Variants in NRM observed in about 807,000 individuals in gnomAD.
NRM encodes the protein nuclear rim protein.
A neutral mutation model predicts 23.4 loss-of-function variants in NRM; 19 were observed. That is an observed-to-expected ratio of 0.81 (90% CI 0.57 to 1.19). The LOEUF is 1.19. Ranked by LOEUF, NRM falls within the 50% of genes most tolerant of loss-of-function variation. NRM has a pLI of 0.00. For synonymous variants in NRM, 140 were observed against 143.5 expected (o/e 0.98, Z 0.17); for missense variants, 232 against 329.7 (o/e 0.70, Z 2.30).
chr6:30,690,319 T>G lies in NRM; in HGVS notation c.134-76A>C. The G allele has an allele frequency of 7.5e-7, 1 of 1,331,634 alleles. No homozygotes were observed. The highest frequency in any genetic ancestry group is 2.6e-5 in the Admixed American group (1 of 37,834). 82.5% of individuals were successfully genotyped at this position (1,331,634 alleles called of 1,614,324 possible). On this transcript the variant is annotated intron_variant, in intron 1 of 3. Transcript: ENST00000376421. This position sits in a 1 kb window ranked among gnomAD's most constrained non-coding sequence, Gnocchi z 5.5. ...TGTTTCCCCCACCCTCATCTCCTCT[T>G]GGATCCCCAGGCCATGTCCCTTACT...
chr6:30,691,211 G>T, upstream of NRM: 1 of 517,934 alleles, frequency 1.9e-6, no homozygotes, highest in South Asian at 2.4e-5. Context: ...AATCCCGAGA[G>T]AGAGCTGTTA....
At position 30,690,421 on chromosome 6, in the gene NRM, C is replaced by G; in HGVS notation, c.134-178G>C. The G allele has an allele frequency of 8.9e-7, 1 of 1,118,028 alleles. No homozygotes were observed. Among genetic ancestry groups the G allele is most frequent in the South Asian group, 1.6e-5 (1 of 61,850 alleles). The allele number at this position is 1,118,028 out of a possible 1,614,324, so 69.3% of individuals were successfully genotyped here. A position where few individuals can be genotyped will look rare whatever the true frequency, so the allele number is the denominator to read the frequency against. On this transcript the variant is annotated intron_variant, in intron 1 of 3. Coordinates refer to ENST00000376421, the MANE Select transcript of NRM (RefSeq NM_001384369.1). The surrounding 1 kb of genome is among the most constrained non-coding windows in gnomAD (Gnocchi z 5.5). ...CCATCCCTAGTTTCTGCCCTCTTCC[C>G]TAGGCCTCCTGCAAACCTGGGGAAG...
In NRM at chr6:30,688,657, C is replaced by A. The variant is rs371691195; in HGVS notation, c.*4G>T. ...GAACAGGGCTTGTAACCAGAGTGAG[C>A]TCCTCACTCTGCCTCCCCATCCTGG... On this transcript the variant is annotated 3_prime_UTR_variant, in exon 4 of 4. Transcript: ENST00000376421. This position sits in a 1 kb window ranked among gnomAD's most constrained non-coding sequence, Gnocchi z 5.9. 1.9e-6 allele frequency: 3 copies of A among 1,612,492 alleles called. No homozygotes were observed. The African/African-American group carries it at 4.0e-5, about 22-fold the overall frequency.
chr6:30,689,744 C>T lies in NRM; in HGVS notation c.331-292G>A, dbSNP rs918562286. ...CCAGTGAAAAGACAGACAAGGCCTTCTCTTCAGACCTAGGGAAGTGGTTTT... is the reference window on the plus strand; with the variant it reads ...CCAGTGAAAAGACAGACAAGGCCTTTTCTTCAGACCTAGGGAAGTGGTTTT... On this transcript the variant is annotated intron_variant, in intron 2 of 3. Transcript: ENST00000376421. The surrounding 1 kb of genome is among the most constrained non-coding windows in gnomAD (Gnocchi z 4.7). 2.6e-5 allele frequency among the ~76,000 whole-genome samples: 4 copies of T among 152,138 alleles called. No individual in the cohort carries two copies. The highest frequency in any genetic ancestry group is 1.3e-4 in the Admixed American group (2 of 15,280).
At position 30,690,774 on chromosome 6, in the gene NRM, C is replaced by T. The variant is rs1284525753; in HGVS notation, c.133+68G>A. The T allele has an allele frequency of 6.2e-7, 1 of 1,612,080 alleles. No individual in the cohort carries two copies. The highest frequency in any genetic ancestry group is 8.5e-7 in the Non-Finnish European group (1 of 1,179,484). On this transcript the variant is annotated intron_variant, in intron 1 of 3. Coordinates refer to ENST00000376421, the MANE Select transcript of NRM (RefSeq NM_001384369.1). The surrounding 1 kb of genome is among the most constrained non-coding windows in gnomAD (Gnocchi z 5.5). ...TCCCCTGTCATTTGTTTCCAAGCCCCGCCCTCAATCCCTCTCCTACGGCTC... is the reference window on the plus strand; with the variant it reads ...TCCCCTGTCATTTGTTTCCAAGCCCTGCCCTCAATCCCTCTCCTACGGCTC...
In NRM at chr6:30,690,838, T is replaced by C; in HGVS notation, c.133+4A>G. ...CCAGTTCATCCTCGATCCCTCCCGC[T>C]CACCCGGACCACCAGACTCCGGGAT... On this transcript the variant is annotated splice_donor_region_variant and intron_variant, in intron 1 of 3. Coordinates refer to ENST00000376421, the MANE Select transcript of NRM (RefSeq NM_001384369.1). This position sits in a 1 kb window ranked among gnomAD's most constrained non-coding sequence, Gnocchi z 5.5. The C allele has an allele frequency of 6.2e-7, 1 of 1,612,888 alleles. No individual in the cohort carries two copies. The highest frequency in any genetic ancestry group is 8.5e-7 in the Non-Finnish European group (1 of 1,179,996).
chr6:30,690,037 G>T lies in NRM; in HGVS notation c.330+10C>A, dbSNP rs770861833. The T allele has an allele frequency of 1.3e-6, 2 of 1,596,704 alleles. No homozygotes were observed. The highest frequency in any genetic ancestry group is 2.7e-5 in the African/African-American group (2 of 73,738). Reference sequence around the variant, plus strand: ...CAGGATTTCATACCTGCAAGGCCAGGGCCTCATACCTGCAAGGCCAGGGCA... The same window carrying T: ...CAGGATTTCATACCTGCAAGGCCAGTGCCTCATACCTGCAAGGCCAGGGCA... On this transcript the variant is annotated intron_variant, in intron 2 of 3. Transcript: ENST00000376421. This position sits in a 1 kb window ranked among gnomAD's most constrained non-coding sequence, Gnocchi z 5.5.
At position 30,688,490 on chromosome 6, in the gene NRM, G is replaced by T. The variant is rs1229008046; in HGVS notation, c.*171C>A. ...CTTGGAGTTCAGTGGCTGAAACTCAGAATTTAGGGTATGGAGCTGGACCCA... is the reference window on the plus strand; with the variant it reads ...CTTGGAGTTCAGTGGCTGAAACTCATAATTTAGGGTATGGAGCTGGACCCA... On this transcript the variant is annotated 3_prime_UTR_variant, in exon 4 of 4. Coordinates refer to ENST00000376421, the MANE Select transcript of NRM (RefSeq NM_001384369.1). The surrounding 1 kb of genome is among the most constrained non-coding windows in gnomAD (Gnocchi z 5.9). The T allele has an allele frequency of 2.6e-6, 2 of 755,276 alleles. No individual in the cohort carries two copies. Among genetic ancestry groups the T allele is most frequent in the African/African-American group, 3.5e-5 (2 of 56,772 alleles). The allele number at this position is 755,276 out of a possible 1,614,324, so 46.8% of individuals were successfully genotyped here.
Position 30,690,592 on chromosome 6 carries a change from C to T in NRM, c.133+250G>A. ...ACAGTCCTCTCTACAAAACACTTTACTTAGAATACTCCGGTCACCGCCCTT... is the reference window on the plus strand; with the variant it reads ...ACAGTCCTCTCTACAAAACACTTTATTTAGAATACTCCGGTCACCGCCCTT... On this transcript the variant is annotated intron_variant, in intron 1 of 3. Coordinates refer to ENST00000376421, the MANE Select transcript of NRM (RefSeq NM_001384369.1). The surrounding 1 kb of genome is among the most constrained non-coding windows in gnomAD (Gnocchi z 5.5). The T allele has an allele frequency of 6.5e-7, 1 of 1,544,600 alleles. No individual in the cohort carries two copies. The highest frequency in any genetic ancestry group is 8.7e-7 in the Non-Finnish European group (1 of 1,143,316).
Position 30,690,829 on chromosome 6 carries a change from C to A in NRM, c.133+13G>T, listed in dbSNP as rs1157756777. ...TTCCTCCTCCCAGTTCATCCTCGATCCCTCCCGCTCACCCGGACCACCAGA... is the reference window on the plus strand; with the variant it reads ...TTCCTCCTCCCAGTTCATCCTCGATACCTCCCGCTCACCCGGACCACCAGA... On this transcript the variant is annotated intron_variant, in intron 1 of 3. Coordinates refer to ENST00000376421, the MANE Select transcript of NRM (RefSeq NM_001384369.1). The surrounding 1 kb of genome is among the most constrained non-coding windows in gnomAD (Gnocchi z 5.5). The A allele has an allele frequency of 1.2e-6, 2 of 1,613,056 alleles. No homozygotes were observed. Among genetic ancestry groups the A allele is most frequent in the East Asian group, 4.5e-5 (2 of 44,888 alleles).
Position 30,688,580 on chromosome 6 carries a change from T to G in NRM, c.*81A>C. On this transcript the variant is annotated 3_prime_UTR_variant, in exon 4 of 4. Coordinates refer to ENST00000376421, the MANE Select transcript of NRM (RefSeq NM_001384369.1). This position sits in a 1 kb window ranked among gnomAD's most constrained non-coding sequence, Gnocchi z 5.9. ...AGTCCATGGATTTGGGCCTCTGGCA[T>G]GAAGCAGCCAGGGCCTGGATGTTAA... 3 of 1,505,300 alleles carry G rather than the reference T, an allele frequency of 2.0e-6. No individual in the cohort carries two copies. Among genetic ancestry groups the G allele is most frequent in the Non-Finnish European group, 2.7e-6 (3 of 1,107,368 alleles). The allele number at this position is 1,505,300 out of a possible 1,614,324, so 93.2% of individuals were successfully genotyped here. A position where few individuals can be genotyped will look rare whatever the true frequency, so the allele number is the denominator to read the frequency against.
chr6:30,688,657 C>G lies in NRM; in HGVS notation c.*4G>C. 1 of 1,612,612 alleles carries G rather than the reference C, an allele frequency of 6.2e-7. No individual in the cohort carries two copies. Among genetic ancestry groups the G allele is most frequent in the Admixed American group, 1.7e-5 (1 of 59,948 alleles). ...GAACAGGGCTTGTAACCAGAGTGAG[C>G]TCCTCACTCTGCCTCCCCATCCTGG... On this transcript the variant is annotated 3_prime_UTR_variant, in exon 4 of 4. Transcript: ENST00000376421. The surrounding 1 kb of genome is among the most constrained non-coding windows in gnomAD (Gnocchi z 5.9).
rs1157408543 is a variant in NRM at position 30,688,513 on chromosome 6, C to T, written c.*148G>A. 2 of 898,284 alleles carry T rather than the reference C, an allele frequency of 2.2e-6. No homozygotes were observed. Among genetic ancestry groups the T allele is most frequent in the Admixed American group, 5.3e-5 (2 of 38,006 alleles). 55.6% of individuals were successfully genotyped at this position (898,284 alleles called of 1,614,324 possible). ...CAGAATTTAGGGTATGGAGCTGGACCCAGAGAATAAAGTCTCAAGTAGTAG... is the reference window on the plus strand; with the variant it reads ...CAGAATTTAGGGTATGGAGCTGGACTCAGAGAATAAAGTCTCAAGTAGTAG... On this transcript the variant is annotated 3_prime_UTR_variant, in exon 4 of 4. Transcript: ENST00000376421. The surrounding 1 kb of genome is among the most constrained non-coding windows in gnomAD (Gnocchi z 5.9).
In NRM at chr6:30,689,348, A is replaced by C. The variant is rs1305425575; in HGVS notation, c.435T>G (p.His145Gln). The change falls in exon 3 of 4, where the codon CAT becomes CAG. Residue 145 changes from histidine (H) to glutamine (Q), a missense_variant. Coordinates refer to ENST00000376421, the MANE Select transcript of NRM (RefSeq NM_001384369.1). The surrounding 1 kb of genome is among the most constrained non-coding windows in gnomAD (Gnocchi z 4.7). ...TAAAGATGAGGAGCCAGGAGATGACATGGAGCACAAAGCAGAGGAGCGGCA... is the reference window on the plus strand; with the variant it reads ...TAAAGATGAGGAGCCAGGAGATGACCTGGAGCACAAAGCAGAGGAGCGGCA... Reference protein sequence around the residue: ...TWVPLLCFVLHVISWLLIFSI... With the variant: ...TWVPLLCFVLQVISWLLIFSI... The C allele has an allele frequency of 6.4e-7, 1 of 1,557,594 alleles. No individual in the cohort carries two copies. Among genetic ancestry groups the C allele is most frequent in the East Asian group, 2.4e-5 (1 of 41,500 alleles).
rs1037601474 is a variant in NRM, at chr6:30,689,164, G to A, written c.507+112C>T. ...AGGGAAAGTCAAAGGGAAGGGCCACGAGGGAGAAGCAGGGAGACAGTAGAA... is the reference window on the plus strand; with the variant it reads ...AGGGAAAGTCAAAGGGAAGGGCCACAAGGGAGAAGCAGGGAGACAGTAGAA... On this transcript the variant is annotated intron_variant, in intron 3 of 3. Transcript: ENST00000376421. The surrounding 1 kb of genome is among the most constrained non-coding windows in gnomAD (Gnocchi z 4.7). 5.8e-6 allele frequency: 7 copies of A among 1,207,154 alleles called. No individual in the cohort carries two copies. The highest frequency in any genetic ancestry group is 2.7e-5 in the Admixed American group (1 of 37,566). 74.8% of individuals were successfully genotyped at this position (1,207,154 alleles called of 1,614,324 possible). A position where few individuals can be genotyped will look rare whatever the true frequency, so the allele number is the denominator to read the frequency against.
At position 30,689,262 on chromosome 6, in the gene NRM, TCTCGGAGC is replaced by T; in HGVS notation, c.507+6_507+13del. ...ATGGGTCAGAGGTCATAGGTAGGGA[TCTCGGAGC>T]CTCACCTGTTTGAGGCCCATGAGCT... On this transcript the variant is annotated splice_donor_region_variant and intron_variant, in intron 3 of 3. Coordinates refer to ENST00000376421, the MANE Select transcript of NRM (RefSeq NM_001384369.1). This position sits in a 1 kb window ranked among gnomAD's most constrained non-coding sequence, Gnocchi z 4.7. The T allele has an allele frequency of 6.4e-7, 1 of 1,550,622 alleles. No homozygotes were observed. The highest frequency in any genetic ancestry group is 8.7e-7 in the Non-Finnish European group (1 of 1,146,402).
upstream of NRM, chr6:30,691,128 C>G (rs118046523): frequency 2.5e-6 from 2 of 815,344 alleles, no homozygotes; most frequent in East Asian, 2.7e-5. Context: ...GCAGCCTTCC[C>G]CATCCAGCTG....
Position 30,689,972 on chromosome 6 carries a change from C to T in NRM, c.330+75G>A, listed in dbSNP as rs1771422308. The T allele has an allele frequency of 1.3e-6, 2 of 1,494,092 alleles. No homozygotes were observed. The highest frequency in any genetic ancestry group is 1.8e-6 in the Non-Finnish European group (2 of 1,111,188). The allele number at this position is 1,494,092 out of a possible 1,614,324, so 92.6% of individuals were successfully genotyped here. A position where few individuals can be genotyped will look rare whatever the true frequency, so the allele number is the denominator to read the frequency against. On this transcript the variant is annotated intron_variant, in intron 2 of 3. Transcript: ENST00000376421. The surrounding 1 kb of genome is among the most constrained non-coding windows in gnomAD (Gnocchi z 4.7). Reference sequence around the variant, plus strand: ...CATATTTTGCCCCTCCAATCCACGGCACCCCTCCCACACTTGGTCTCCCTT... The same window carrying T: ...CATATTTTGCCCCTCCAATCCACGGTACCCCTCCCACACTTGGTCTCCCTT...
Position 30,689,131 on chromosome 6 carries a change from C to T in NRM, c.507+145G>A. 3 of 1,074,030 alleles carry T rather than the reference C, an allele frequency of 2.8e-6. No individual in the cohort carries two copies. The highest frequency in any genetic ancestry group is 3.9e-6 in the Non-Finnish European group (3 of 762,640). 66.5% of individuals were successfully genotyped at this position (1,074,030 alleles called of 1,614,324 possible). ...AGGCCCAGGAGGCCCATGCTTGCTG[C>T]CCTTACGAGGGAAAGTCAAAGGGAA... On this transcript the variant is annotated intron_variant, in intron 3 of 3. Coordinates refer to ENST00000376421, the MANE Select transcript of NRM (RefSeq NM_001384369.1). The surrounding 1 kb of genome is among the most constrained non-coding windows in gnomAD (Gnocchi z 4.7).
Sources: allele counts gnomAD v4.1 joint callset (sites outside exome capture counted in the v4.1 genomes callset), GRCh38; gene constraint gnomAD v4.1.1; non-coding constraint Gnocchi (gnomAD v3.1); transcripts MANE v1.5; gene names NCBI Gene and HGNC (gene_info 2026-07-23, HGNC 2026-07-21).